TPX2: variants seen among roughly 807,000 people sequenced by gnomAD.
TPX2 encodes the protein targeting protein for Xklp2.
A neutral mutation model predicts 93.6 loss-of-function variants in TPX2; 21 were observed. The observed-to-expected ratio is 0.22, with a 90% CI of 0.16 to 0.32. The LOEUF is 0.32. TPX2 is among the 10% of genes least tolerant of loss of function. The pLI, the probability that TPX2 is intolerant of heterozygous loss-of-function variation, is 1.00. For synonymous variants in TPX2, 281 were observed against 298.3 expected, an observed-to-expected ratio of 0.94 and a Z score of 0.60; for missense variants, 776 against 871.1, an observed-to-expected ratio of 0.89 and a Z score of 1.37.
Position 31,786,469 on chromosome 20 carries a change from T to C in TPX2, c.1413+2548T>C, listed in dbSNP as rs113527376. On this transcript the variant is annotated intron_variant, in intron 12 of 17. Transcript: ENST00000300403. ...AGAGTGCAGAAATGTAGTGGTGTAA[T>C]CTCAGCTCACTGCAACCTCTGCTTC... Among the ~76,000 whole-genome samples, 291 of 151,118 alleles carry C rather than the reference T, an allele frequency of 1.9e-3. 3 individuals are homozygous for C. Among genetic ancestry groups the C allele is most frequent in the Middle Eastern group, 0.014 (4 of 294 alleles).
chr20:31,782,355 AGAGCTG>A lies in TPX2; in HGVS notation c.1165_1170del (p.Leu389_Glu390del). 6.2e-7 allele frequency: 1 copy of A among 1,613,382 alleles called. No homozygotes were observed. Among genetic ancestry groups the A allele is most frequent in the Non-Finnish European group, 8.5e-7 (1 of 1,179,708 alleles). ...GGGCTGTGACCTGCAAAAGTACAGC[AGAGCTG>A]GAGGCTGAGGAGCTCGAGAAATTGC... is the stretch of plus-strand genomic sequence containing the variant. On this transcript the variant is annotated inframe_deletion, in exon 11 of 18. Transcript: ENST00000300403.
In TPX2 at chr20:31,792,800, C is replaced by G; in HGVS notation, c.1479C>G (p.Asn493Lys). ...AGTCACCAGCCTTTGCATTGAAGAA[C>G]AGAATTCGAATGCCCACCAAAGAAG... Reference protein sequence around the residue: ...VPKSPAFALKNRIRMPTKEDE... With the variant: ...VPKSPAFALKKRIRMPTKEDE... Residue 493 changes from asparagine (N) to lysine (K), a missense_variant, in exon 13 of 18, where the codon AAC becomes AAG. By Grantham distance (94) the Asn-to-Lys change is moderately conservative (BLOSUM62 0). Transcript: ENST00000300403. The G allele has an allele frequency of 6.2e-7, 1 of 1,614,192 alleles. No individual in the cohort carries two copies. Among genetic ancestry groups the G allele is most frequent in the South Asian group, 1.1e-5 (1 of 91,088 alleles).
chr20:31,787,324 G>A (rs1302904814), intron 12 of TPX2, among the ~76,000 whole-genome samples: 1 of 151,190 alleles, frequency 6.6e-6, no homozygotes, highest in Non-Finnish European at 1.5e-5. Context: ...AGGTTTCTGA[G>A]TTTGACACTG....
At chr20:31,764,884 T>C (rs2061914707) in intron 4 of TPX2, among the ~76,000 whole-genome samples, 1 of 152,178 alleles carries the variant, frequency 6.6e-6, no homozygotes, top group Non-Finnish European at 1.5e-5. Flanking sequence ...AGTCAGTTCA[T>C]ATGCTATGTG....
chr20:31,764,235 T>C (rs1481403132), intron 4 of TPX2, among the ~76,000 whole-genome samples: 2 of 151,952 alleles, frequency 1.3e-5, no homozygotes, highest in African/African-American at 4.8e-5. Flanking sequence ...AGTGGAGCAA[T>C]CACGCCTCAC....
Position 31,739,304 on chromosome 20 carries a change from G to A in TPX2, c.-495G>A, listed in dbSNP as rs2061739861. On this transcript the variant is annotated 5_prime_UTR_variant, in exon 1 of 18. Transcript: ENST00000300403. Reference sequence around the variant, plus strand: ...TCAACGATACTGAATGAGTCCCGCGGCGGGTTGGCTCGCGCTTCGTTGTCA... The same window carrying A: ...TCAACGATACTGAATGAGTCCCGCGACGGGTTGGCTCGCGCTTCGTTGTCA... 1 of 152,248 alleles carries A rather than the reference G, an allele frequency of 6.6e-6. No individual in the cohort carries two copies. Among genetic ancestry groups the A allele is most frequent in the Non-Finnish European group, 1.5e-5 (1 of 68,064 alleles). 9.4% of individuals were successfully genotyped at this position (152,248 alleles called of 1,614,324 possible).
At chr20:31,754,872 T>C (rs2061841762) in intron 2 of TPX2, among the ~76,000 whole-genome samples, 1 of 152,148 alleles carries the variant, frequency 6.6e-6, no homozygotes, top group Admixed American at 6.6e-5. Flanking sequence ...AAACTGTCAA[T>C]GATTCATTTA....
intron 2 of TPX2, among the ~76,000 whole-genome samples, chr20:31,747,110 G>A (rs760669611): frequency 2.0e-5 from 3 of 152,044 alleles, no homozygotes; most frequent in Admixed American, 6.6e-5. Context: ...CGTTCTTGGA[G>A]GGAAGAGATT....
chr20:31,800,239 G>A (rs2123107205), intron 17 of TPX2, among the ~76,000 whole-genome samples: 1 of 152,262 alleles, frequency 6.6e-6, no homozygotes, highest in South Asian at 2.1e-4. Context: ...GAGTGAATGA[G>A]AAAATAGTAT....
Position 31,757,582 on chromosome 20 carries a change from G to C in TPX2, c.106G>C (p.Glu36Gln), listed in dbSNP as rs1568923640. Reference protein sequence around the residue: ...GDTQNIDSWFEEKANLENKLL... With the variant: ...GDTQNIDSWFQEKANLENKLL... Reference sequence around the variant, plus strand: ...TACTCAAAACATAGATTCATGGTTTGGTAAGTGCCTGCTTTCTCTGGCTAT... The same window carrying C: ...TACTCAAAACATAGATTCATGGTTTCGTAAGTGCCTGCTTTCTCTGGCTAT... Residue 36 changes from glutamate to glutamine, a missense_variant and splice_region_variant, in exon 3 of 18, where the codon GAG becomes CAG. This residue lies in a region of TPX2 where 36 missense variants were observed against 58.3 expected (regional missense o/e 0.62). Coordinates refer to ENST00000300403, the MANE Select transcript of TPX2 (RefSeq NM_012112.5). The C allele has an allele frequency of 1.2e-6, 2 of 1,612,146 alleles. No individual in the cohort carries two copies. Among genetic ancestry groups the C allele is most frequent in the Non-Finnish European group, 1.7e-6 (2 of 1,178,582 alleles).
chr20:31,752,551 G>A (rs1317333897), intron 2 of TPX2, among the ~76,000 whole-genome samples: 2 of 152,162 alleles, frequency 1.3e-5, no homozygotes, highest in African/African-American at 4.8e-5. Context: ...TATTTATTGT[G>A]TATGATAGGA....
At chr20:31,763,400 G>A (rs183382436) in intron 4 of TPX2, among the ~76,000 whole-genome samples, 19 of 152,088 alleles carry the variant, frequency 1.2e-4, no homozygotes, top group Non-Finnish European at 1.6e-4. Flanking sequence ...GGCTGGTCTC[G>A]AACTCCTGAC....
At chr20:31,792,663 G>T (rs763642291) in intron 12 of TPX2, 72 bp from the exon 13 acceptor site, 39 of 1,412,330 alleles carry the variant, frequency 2.8e-5, no homozygotes, top group Non-Finnish European at 3.9e-5. Context: ...GGGGAAAAAA[G>T]GATTTAATCT....
chr20:31,742,132 A>G (rs935303667), intron 1 of TPX2, among the ~76,000 whole-genome samples: 2 of 151,806 alleles, frequency 1.3e-5, no homozygotes, highest in African/African-American at 4.8e-5. Context: ...ATTAAAAATA[A>G]TGTTATTTGT....
intron 15 of TPX2, among the ~76,000 whole-genome samples, chr20:31,796,993 C>A (rs1343957248): frequency 6.9e-6 from 1 of 144,896 alleles, no homozygotes; most frequent in Non-Finnish European, 1.5e-5. Context: ...TGTTTGGAAT[C>A]TTTTTTTTTT....
At chr20:31,740,305 C>T (rs1203957541) in intron 1 of TPX2, among the ~76,000 whole-genome samples, 1 of 152,232 alleles carries the variant, frequency 6.6e-6, no homozygotes, top group African/African-American at 2.4e-5. Flanking sequence ...CTTCCTGCTT[C>T]ACCCTTACCT....
At chr20:31,756,466 A>T (rs1468839903) in intron 2 of TPX2, among the ~76,000 whole-genome samples, 1 of 152,130 alleles carries the variant, frequency 6.6e-6, no homozygotes, top group Non-Finnish European at 1.5e-5. Context: ...CAGAGAGAGA[A>T]TAAATTGGGC....
chr20:31,763,876 G>A lies in TPX2; in HGVS notation c.230-2680G>A, dbSNP rs1019451694. Among the ~76,000 whole-genome samples the A allele has an allele frequency of 7.3e-5, 11 of 151,276 alleles. No individual in the cohort carries two copies. The East Asian group carries it at 7.8e-4, about 11-fold the overall frequency. ...CTACTGAAAAATACAAAAATTAGCCGGGTGTGGTGGTGCGCACCTGTAGTC... is the reference window on the plus strand; with the variant it reads ...CTACTGAAAAATACAAAAATTAGCCAGGTGTGGTGGTGCGCACCTGTAGTC... On this transcript the variant is annotated intron_variant, in intron 4 of 17. Coordinates refer to ENST00000300403, the MANE Select transcript of TPX2 (RefSeq NM_012112.5).
chr20:31,768,765 A>G (rs964659418), intron 5 of TPX2, among the ~76,000 whole-genome samples: 35 of 152,224 alleles, frequency 2.3e-4, no homozygotes, highest in Non-Finnish European at 5.0e-4. Context: ...TTGACAAGCC[A>G]GTAGAAAACA....
Sources: gnomAD v4.1 joint callset for allele counts (sites outside exome capture counted in the v4.1 genomes callset) on GRCh38, gnomAD v4.1.1 for gene constraint, gnomAD v4.1.1 regional missense constraint, MANE v1.5 for transcripts, NCBI Gene and HGNC (gene_info 2026-07-23, HGNC 2026-07-21) for gene names.